NUP205: variants seen among roughly 807,000 people sequenced by gnomAD.
NUP205 encodes nucleoporin 205, also known as nuclear pore complex protein Nup205.
NUP205 carries 76 observed loss-of-function variants against 253.8 expected under a neutral mutation model. The observed-to-expected ratio is 0.30, with a 90% CI of 0.25 to 0.36. The LOEUF is 0.36. Among genes scored for constraint, NUP205 ranks in the 10% least tolerant of loss-of-function variants. NUP205 has a pLI of 1.00. For missense variants in NUP205, 2,162 were observed against 2,425.5 expected (o/e 0.89, Z 2.28); for synonymous variants, 832 against 850.1 (o/e 0.98, Z 0.37).
intron 1 of NUP205, among the ~76,000 whole-genome samples, chr7:135,560,718 G>A (rs1284646736): frequency 6.6e-6 from 1 of 152,134 alleles, no homozygotes; most frequent in Non-Finnish European, 1.5e-5. Flanking sequence ...AGTGAAATAA[G>A]CCAGTCACAA....
Position 135,571,117 on chromosome 7 carries a change from G to C in NUP205, c.41G>C (p.Trp14Ser). 6.4e-7 allele frequency: 1 copy of C among 1,553,892 alleles called. No homozygotes were observed. The change falls in exon 2 of 43, where the codon TGG (tryptophan) becomes TCG (serine). Residue 14 changes from tryptophan to serine, a missense_variant. This residue lies in a region of NUP205 where 109 missense variants were observed against 131.8 expected (regional missense o/e 0.83). Coordinates refer to ENST00000285968, the MANE Select transcript of NUP205 (RefSeq NM_015135.3). ...PLAVNSAASL[W>S]GPYKDIWHKV... is the part of the protein sequence containing the mutation. Reference sequence around the variant, plus strand: ...TTTTTTCTTTAAGCTGCTAGTCTATGGGGTCCTTACAAAGACATTTGGCAT... The same window carrying C: ...TTTTTTCTTTAAGCTGCTAGTCTATCGGGTCCTTACAAAGACATTTGGCAT...
At chr7:135,627,713 C>G (rs1304692951) in intron 33 of NUP205, among the ~76,000 whole-genome samples, 1 of 152,196 alleles carries the variant, frequency 6.6e-6, no homozygotes, top group Non-Finnish European at 1.5e-5. Context: ...AAGTTTCAAG[C>G]ATTATCTTGT....
At chr7:135,648,008 ACCCTCCTGT>A in intron 42 of NUP205, among the ~76,000 whole-genome samples, 1 of 151,994 alleles carries the variant, frequency 6.6e-6, no homozygotes, top group South Asian at 2.1e-4. Flanking sequence ...TTTCCCACCT[ACCCTCCTGT>A]CCTCCCTCCC....
chr7:135,625,967 C>T (rs1794580257), intron 32 of NUP205, among the ~76,000 whole-genome samples: 1 of 152,120 alleles, frequency 6.6e-6, no homozygotes, highest in Non-Finnish European at 1.5e-5. Context: ...AATTCCTTGC[C>T]CTCCATGGGC....
At chr7:135,607,034 T>G in intron 21 of NUP205, 119 bp downstream of exon 21, 4 of 1,183,972 alleles carry the variant, frequency 3.4e-6, no homozygotes, top group Non-Finnish European at 3.6e-6. Context: ...AGAAAGGTAA[T>G]GTGATGGATG....
intron 3 of NUP205, 82 bp from the exon 4 acceptor site, chr7:135,576,188 G>T: frequency 8.1e-7 from 1 of 1,239,776 alleles, no homozygotes; most frequent in Middle Eastern, 2.0e-4. Context: ...TCTTTGAACT[G>T]AACATTGTTA....
chr7:135,623,928 G>T (rs965040635), intron 31 of NUP205, among the ~76,000 whole-genome samples: 1 of 148,600 alleles, frequency 6.7e-6, no homozygotes, highest in Non-Finnish European at 1.5e-5. Flanking sequence ...AACTACAGGC[G>T]CCCGCCACTA....
At chr7:135,584,062 A>T (rs1179760994) in intron 7 of NUP205, among the ~76,000 whole-genome samples, 1 of 151,972 alleles carries the variant, frequency 6.6e-6, no homozygotes, top group Non-Finnish European at 1.5e-5. Flanking sequence ...ACCTCAGGTG[A>T]TCCTCCCAAA....
intron 30 of NUP205, among the ~76,000 whole-genome samples, chr7:135,621,814 G>C (rs760532270): frequency 1.3e-5 from 2 of 151,678 alleles, no homozygotes; most frequent in African/African-American, 2.4e-5. Context: ...CTTTTCTTTT[G>C]TTTTTTGAGA....
chr7:135,590,382 G>C (rs1400642030), intron 10 of NUP205, among the ~76,000 whole-genome samples: 1 of 152,074 alleles, frequency 6.6e-6, no homozygotes, highest in Non-Finnish European at 1.5e-5. Context: ...CCAAAGTGCT[G>C]CGATTACAGG....
intron 38 of NUP205, among the ~76,000 whole-genome samples, chr7:135,640,748 G>C (rs1794902874): frequency 6.6e-6 from 1 of 152,178 alleles, no homozygotes; most frequent in African/African-American, 2.4e-5. Context: ...AAAGGGAGTA[G>C]TCTTAGGTGA....
At chr7:135,574,706 TTGA>T (rs1157881789) in intron 3 of NUP205, among the ~76,000 whole-genome samples, 14 of 152,222 alleles carry the variant, frequency 9.2e-5, no homozygotes, top group African/African-American at 3.4e-4. Context: ...TAGAAAGTTG[TTGA>T]TGAGGGCTTT....
chr7:135,575,723 C>T (rs938770267), intron 3 of NUP205, among the ~76,000 whole-genome samples: 12 of 151,868 alleles, frequency 7.9e-5, no homozygotes, highest in African/African-American at 2.4e-4. Context: ...TGAACCTAGG[C>T]GGCAGAGGTT....
At chr7:135,586,147 C>G (rs1806458070) in intron 8 of NUP205, among the ~76,000 whole-genome samples, 1 of 135,410 alleles carries the variant, frequency 7.4e-6, no homozygotes, top group Admixed American at 7.4e-5. Context: ...TAAAAGCACC[C>G]TGAAAGGTCT....
Position 135,628,081 on chromosome 7 carries a change from T to A in NUP205, c.4902T>A (p.Ser1634Arg), listed in dbSNP as rs1794633244. 6.2e-7 allele frequency: 1 copy of A among 1,609,822 alleles called. No homozygotes were observed. Among genetic ancestry groups the A allele is most frequent in the Admixed American group, 1.7e-5 (1 of 59,242 alleles). Residue 1634 changes from serine (S) to arginine (R), a missense_variant, in exon 34 of 43, where the codon AGT becomes AGA. Coordinates refer to ENST00000285968, the MANE Select transcript of NUP205 (RefSeq NM_015135.3). Reference sequence around the variant, plus strand: ...TGTGCCAGGTCATCCTCACATCTAGTATGGCCCAGCACTTGCAGGCAGCAG... The same window carrying A: ...TGTGCCAGGTCATCCTCACATCTAGAATGGCCCAGCACTTGCAGGCAGCAG... ...LQLCQVILTS[S>R]MAQHLQAAGQ...
chr7:135,579,468 G>C (rs1156235189), intron 7 of NUP205, among the ~76,000 whole-genome samples: 1 of 151,852 alleles, frequency 6.6e-6, no homozygotes, highest in Non-Finnish European at 1.5e-5. Context: ...TGCTGGGATT[G>C]CAACACGTGA....
intron 23 of NUP205, among the ~76,000 whole-genome samples, 167 bp from the exon 24 acceptor site, chr7:135,615,747 CTT>C (rs1794342822): frequency 6.6e-6 from 1 of 151,714 alleles, no homozygotes; most frequent in Non-Finnish European, 1.5e-5. Flanking sequence ...TTCTTGGTAT[CTT>C]TTTTTTCCTC....
chr7:135,569,198 G>A (rs1216614072), intron 1 of NUP205, among the ~76,000 whole-genome samples: 1 of 152,154 alleles, frequency 6.6e-6, no homozygotes, highest in Non-Finnish European at 1.5e-5. Context: ...AGACTCCTGA[G>A]TAGCTGGGAT....
intron 13 of NUP205, chr7:135,597,133 TTG>T (rs905318746): frequency 1.2e-5 from 5 of 433,516 alleles, no homozygotes; most frequent in African/African-American, 9.8e-5. Flanking sequence ...AAAAAATGTC[TTG>T]TGTGCTCTTA....
Sources: allele counts gnomAD v4.1 joint callset (sites outside exome capture counted in the v4.1 genomes callset), GRCh38; gene constraint gnomAD v4.1.1; regional missense constraint gnomAD v4.1.1; transcripts MANE v1.5; gene names NCBI Gene and HGNC (gene_info 2026-07-23, HGNC 2026-07-21).